The following NKAIN2 variants were observed in gnomAD, a reference collection of about 807,000 sequenced individuals.
NKAIN2 encodes sodium/potassium transporting ATPase interacting 2.
A neutral mutation model predicts 32.6 loss-of-function variants in NKAIN2; 14 were observed. That is an observed-to-expected ratio of 0.43 (90% CI 0.28 to 0.67). NKAIN2 has a LOEUF of 0.67. Ranked by LOEUF, NKAIN2 falls within the 30% of genes least tolerant of loss-of-function variation. The pLI, the probability that NKAIN2 is intolerant of heterozygous loss-of-function variation, is 0.17. For missense variants in NKAIN2, 198 were observed against 258.3 expected (o/e 0.77, Z 1.60); for synonymous variants, 80 against 87.2 (o/e 0.92, Z 0.46).
intron 1 of NKAIN2, among the ~76,000 whole-genome samples, chr6:124,014,288 A>C (rs1356653985): frequency 2.0e-5 from 3 of 152,166 alleles, no homozygotes; most frequent in Non-Finnish European, 4.4e-5. Context: ...ACAAATATAT[A>C]CTTGCATTTG....
intron 4 of NKAIN2, among the ~76,000 whole-genome samples, chr6:124,670,379 T>C (rs1012444214): frequency 6.6e-6 from 1 of 152,080 alleles, no homozygotes; most frequent in Non-Finnish European, 1.5e-5. Flanking sequence ...AAGAGTGTTT[T>C]TAAAAGATTC....
intron 1 of NKAIN2, among the ~76,000 whole-genome samples, chr6:124,120,638 A>G (rs1785834915): frequency 6.6e-6 from 1 of 152,164 alleles, no homozygotes. Flanking sequence ...TCATGCAGTA[A>G]GAGTTGGAAA....
chr6:124,801,378 C>A (rs1383345252), intron 5 of NKAIN2, among the ~76,000 whole-genome samples: 1 of 152,124 alleles, frequency 6.6e-6, no homozygotes, highest in Non-Finnish European at 1.5e-5. Context: ...TATTAGTGGT[C>A]ACCTACTGTA....
chr6:124,030,474 T>C (rs1475987875), intron 1 of NKAIN2, among the ~76,000 whole-genome samples: 1 of 152,180 alleles, frequency 6.6e-6, no homozygotes, highest in East Asian at 1.9e-4. Flanking sequence ...TCTTCCTTTA[T>C]TCTTACTCAG....
At chr6:123,838,857 C>G (rs1047554176) in intron 1 of NKAIN2, among the ~76,000 whole-genome samples, 1 of 152,186 alleles carries the variant, frequency 6.6e-6, no homozygotes, top group East Asian at 1.9e-4. Flanking sequence ...AGGCAATTTA[C>G]CTCCTAAGGT....
chr6:123,998,519 T>G (rs1177521194), intron 1 of NKAIN2, among the ~76,000 whole-genome samples: 1 of 152,128 alleles, frequency 6.6e-6, no homozygotes, highest in Admixed American at 6.6e-5. Flanking sequence ...TCTTATCAAC[T>G]TCCAAATTTG....
intron 3 of NKAIN2, among the ~76,000 whole-genome samples, chr6:124,550,903 A>G (rs530068007): frequency 2.2e-4 from 34 of 152,314 alleles, no homozygotes; most frequent in African/African-American, 8.2e-4. Flanking sequence ...GATATTAGCT[A>G]AGAGTGAAGG....
intron 3 of NKAIN2, among the ~76,000 whole-genome samples, chr6:124,610,255 G>A (rs897377028): frequency 6.6e-6 from 1 of 152,170 alleles, no homozygotes; most frequent in African/African-American, 2.4e-5. Context: ...GCACAAACAA[G>A]ATCACATTAT....
At chr6:124,567,242 A>G (rs1188746907) in intron 3 of NKAIN2, among the ~76,000 whole-genome samples, 2 of 152,204 alleles carry the variant, frequency 1.3e-5, no homozygotes, top group Non-Finnish European at 2.9e-5. Flanking sequence ...GCTTACAACT[A>G]TAGTGTAAAC....
At chr6:123,894,330 C>G (rs1166141662) in intron 1 of NKAIN2, among the ~76,000 whole-genome samples, 1 of 152,086 alleles carries the variant, frequency 6.6e-6, no homozygotes, top group African/African-American at 2.4e-5. Context: ...CAGATCCTAG[C>G]CTTCTGAATC....
intron 1 of NKAIN2, among the ~76,000 whole-genome samples, chr6:123,968,450 A>G (rs949922161): frequency 1.3e-5 from 2 of 152,188 alleles, no homozygotes; most frequent in African/African-American, 4.8e-5. Flanking sequence ...GAAATTAAAC[A>G]TGTTGCTCTG....
At chr6:124,268,299 A>G (rs1377438252) in intron 1 of NKAIN2, among the ~76,000 whole-genome samples, 1 of 152,242 alleles carries the variant, frequency 6.6e-6, no homozygotes, top group Non-Finnish European at 1.5e-5. Context: ...AACTCAAGAC[A>G]TCAGTATAAT....
intron 3 of NKAIN2, among the ~76,000 whole-genome samples, chr6:124,517,354 A>G (rs1245163168): frequency 6.6e-6 from 1 of 152,164 alleles, no homozygotes; most frequent in East Asian, 1.9e-4. Context: ...TTTATTTGAT[A>G]CAATAACTGA....
Position 124,307,166 on chromosome 6 carries a change from C to A in NKAIN2, c.192+24024C>A, listed in dbSNP as rs117498229. Reference sequence around the variant, plus strand: ...ATAGTCAATATGAATGAAATTATTTCTCTGATAAAAAATTATATATGGGAT... The same window carrying A: ...ATAGTCAATATGAATGAAATTATTTATCTGATAAAAAATTATATATGGGAT... On this transcript the variant is annotated intron_variant, in intron 2 of 6. Coordinates refer to ENST00000368417, the MANE Select transcript of NKAIN2 (RefSeq NM_001040214.3). Among the ~76,000 whole-genome samples, 985 of 152,124 alleles carry A rather than the reference C, an allele frequency of 6.5e-3. 10 individuals carry two copies. The highest frequency in any genetic ancestry group is 0.02 in the Middle Eastern group (6 of 294).
At chr6:124,043,785 G>A (rs1372124470) in intron 1 of NKAIN2, among the ~76,000 whole-genome samples, 2 of 152,028 alleles carry the variant, frequency 1.3e-5, no homozygotes, top group African/African-American at 4.8e-5. Context: ...CTCATGTACA[G>A]CACACTGTGG....
intron 2 of NKAIN2, among the ~76,000 whole-genome samples, chr6:124,340,385 C>G (rs1554284507): frequency 6.6e-6 from 1 of 151,760 alleles, no homozygotes; most frequent in South Asian, 2.1e-4. Flanking sequence ...CTTTTTTTAG[C>G]TTTCATTTTA....
At chr6:124,369,589 A>G (rs1266628073) in intron 3 of NKAIN2, among the ~76,000 whole-genome samples, 1 of 152,090 alleles carries the variant, frequency 6.6e-6, no homozygotes, top group Non-Finnish European at 1.5e-5. Flanking sequence ...AGTATATTTC[A>G]TGTGATCCCC....
At chr6:123,823,382 T>C (rs1209992670) in intron 1 of NKAIN2, 1 of 152,118 alleles carries the variant, frequency 6.6e-6, no homozygotes, top group East Asian at 1.9e-4. Context: ...ATGGGATAGT[T>C]TGACAGAGTG....
chr6:124,793,678 TCA>T (rs1491578725), intron 5 of NKAIN2, among the ~76,000 whole-genome samples: 14 of 57,422 alleles, frequency 2.4e-4, no homozygotes, highest in Middle Eastern at 0.017. Context: ...GACATACTGC[TCA>T]AAAAAAAAAA....
Sources: allele counts gnomAD v4.1 joint callset (sites outside exome capture counted in the v4.1 genomes callset), GRCh38; gene constraint gnomAD v4.1.1; transcripts MANE v1.5; gene names NCBI Gene and HGNC (gene_info 2026-07-23, HGNC 2026-07-21).